DZIP3: variants seen among roughly 807,000 people sequenced by gnomAD.
The protein encoded by DZIP3 is DAZ interacting zinc finger protein 3.
DZIP3 carries 118 observed loss-of-function variants against 162.0 expected under a neutral mutation model. The observed-to-expected ratio is 0.73, with a 90% CI of 0.63 to 0.85. The LOEUF is 0.85. Among genes scored for constraint, DZIP3 ranks in the 40% least tolerant of loss-of-function variants. The pLI, the probability that DZIP3 is intolerant of heterozygous loss-of-function variation, is 0.00. For missense variants in DZIP3, 1,331 were observed against 1,407.0 expected (o/e 0.95, Z 0.86); for synonymous variants, 438 against 458.6 (o/e 0.96, Z 0.57).
chr3:108,644,074 T>C, intron 13 of DZIP3, 90 bp from the exon 14 acceptor site: 1 of 1,440,294 alleles, frequency 6.9e-7, no homozygotes, highest in Non-Finnish European at 9.2e-7. Context: ...ATAGTTTTTA[T>C]CCTACAGGAG....
chr3:108,655,955 C>T (rs1394303490), intron 19 of DZIP3, among the ~76,000 whole-genome samples: 1 of 152,224 alleles, frequency 6.6e-6, no homozygotes, highest in Non-Finnish European at 1.5e-5. Flanking sequence ...GGAGGGGCGT[C>T]TGCCATTGCC....
chr3:108,609,255 G>C (rs1237063306), intron 3 of DZIP3, among the ~76,000 whole-genome samples: 1 of 152,100 alleles, frequency 6.6e-6, no homozygotes, highest in Non-Finnish European at 1.5e-5. Context: ...CTGTAACTTA[G>C]GAGGGGAAAA....
chr3:108,633,429 A>G (rs1941976823), intron 9 of DZIP3, among the ~76,000 whole-genome samples: 1 of 152,000 alleles, frequency 6.6e-6, no homozygotes, highest in African/African-American at 2.4e-5. Context: ...GAATGGTAGC[A>G]TTTTACTAAG....
intron 17 of DZIP3, among the ~76,000 whole-genome samples, chr3:108,650,303 TA>T (rs1220625077): frequency 6.6e-6 from 1 of 151,760 alleles, no homozygotes; most frequent in African/African-American, 2.4e-5. Context: ...TCAAGTACAC[TA>T]GAGCAAAGGC....
rs1156942232 is a variant in DZIP3, at chr3:108,693,817, A to G, written c.*464A>G. ...AATTTTTTCTGCTTTAAAAGTCTGT[A>G]ATTTCAGTTTTTGTGTCGGGGAGAG... On this transcript the variant is annotated 3_prime_UTR_variant, in exon 33 of 33. Coordinates refer to ENST00000361582, the MANE Select transcript of DZIP3 (RefSeq NM_014648.4). 6.6e-6 allele frequency: 1 copy of G among 152,082 alleles called. No individual in the cohort carries two copies. The highest frequency in any genetic ancestry group is 2.4e-5 in the African/African-American group (1 of 41,432). 9.4% of individuals were successfully genotyped at this position (152,082 alleles called of 1,614,324 possible). A position where few individuals can be genotyped will look rare whatever the true frequency, so the allele number is the denominator to read the frequency against.
At chr3:108,681,478 G>T (rs929392944) in intron 26 of DZIP3, among the ~76,000 whole-genome samples, 1 of 152,096 alleles carries the variant, frequency 6.6e-6, no homozygotes. Flanking sequence ...TTACACTGTT[G>T]GTGGGAGTGT....
intron 1 of DZIP3, among the ~76,000 whole-genome samples, chr3:108,597,060 T>G (rs1939750068): frequency 6.6e-6 from 1 of 152,218 alleles, no homozygotes; most frequent in Non-Finnish European, 1.5e-5. Flanking sequence ...ACTAAGTGTA[T>G]GATTAGTGTC....
chr3:108,622,880 C>CTCTCTCTCTGTGTGTGTG (rs796232998), intron 5 of DZIP3, among the ~76,000 whole-genome samples: 14 of 53,092 alleles, frequency 2.6e-4, no homozygotes, highest in South Asian at 9.1e-4. Flanking sequence ...CTCTCTCTCT[C>CTCTCTCTCTGTGTGTGTG]TGTGTGTGTG....
intron 1 of DZIP3, among the ~76,000 whole-genome samples, chr3:108,596,920 A>G (rs1178332537): frequency 2.0e-5 from 3 of 152,238 alleles, no homozygotes; most frequent in Non-Finnish European, 2.9e-5. Context: ...GCATGAAATC[A>G]GAAATCCTGC....
At position 108,675,846 on chromosome 3, in the gene DZIP3, T is replaced by C. The variant is rs1308471234; in HGVS notation, c.2754T>C (p.Asp918=). ...ACAGTTGGAATGCCATTGTGGCAGATGTTAGAAACAAGATTGCATTCCTCA... is the reference window on the plus strand; with the variant it reads ...ACAGTTGGAATGCCATTGTGGCAGACGTTAGAAACAAGATTGCATTCCTCA... ...AVDSWNAIVA[D]VRNKIAFLRT... The change falls in exon 25 of 33, where the codon GAT becomes GAC. Residue 918 remains aspartate, a synonymous_variant. Transcript: ENST00000361582. 2 of 1,610,438 alleles carry C rather than the reference T, an allele frequency of 1.2e-6. No homozygotes were observed. Among genetic ancestry groups the C allele is most frequent in the Non-Finnish European group, 1.7e-6 (2 of 1,178,044 alleles).
intron 28 of DZIP3, 108 bp downstream of exon 28, chr3:108,686,692 G>A (rs1944511793): frequency 7.8e-7 from 1 of 1,289,412 alleles, no homozygotes; most frequent in Non-Finnish European, 1.0e-6. Flanking sequence ...CACAAAAAAA[G>A]TACAGATGTT....
Position 108,681,283 on chromosome 3 carries a change from A to G in DZIP3, c.2884-2933A>G, listed in dbSNP as rs550346286. On this transcript the variant is annotated intron_variant, in intron 26 of 32. Coordinates refer to ENST00000361582, the MANE Select transcript of DZIP3 (RefSeq NM_014648.4). ...AAGTGGGCAAAGGATATGAACAGAC[A>G]CTTCTCAAAAGAAGACATTTATGTG... Among the ~76,000 whole-genome samples, 5 of 152,294 alleles carry G rather than the reference A, an allele frequency of 3.3e-5. No homozygotes were observed. In the South Asian group the frequency reaches 1.0e-3, roughly 32 times the overall value.
At chr3:108,682,910 A>G (rs890394154) in intron 26 of DZIP3, among the ~76,000 whole-genome samples, 3 of 150,890 alleles carry the variant, frequency 2.0e-5, no homozygotes, top group Non-Finnish European at 2.9e-5. Context: ...AAATAAAAAT[A>G]AAGTGTTAGG....
At position 108,611,299 on chromosome 3, in the gene DZIP3, A is replaced by C; in HGVS notation, c.228A>C (p.Leu76Phe). Residue 76 changes from leucine to phenylalanine, a missense_variant, in exon 4 of 33, where the codon TTA (leucine) becomes TTC (phenylalanine). Leu to Phe is a conservative substitution (Grantham distance 22, BLOSUM62 0). This residue lies in a region of DZIP3 where 1,278 missense variants were observed against 1,317.1 expected (regional missense o/e 0.97). Transcript: ENST00000361582. Reference protein sequence around the residue: ...KGVVPHIKKFLQEDFSFQTMQ... With the variant: ...KGVVPHIKKFFQEDFSFQTMQ... ...TGGTTCCTCACATTAAGAAGTTCTT[A>C]CAAGAAGATTTTTCCTTCCAAACTA... The C allele has an allele frequency of 1.2e-6, 2 of 1,611,834 alleles. No individual in the cohort carries two copies. The highest frequency in any genetic ancestry group is 1.7e-6 in the Non-Finnish European group (2 of 1,179,364).
chr3:108,682,665 TAGAA>T lies in DZIP3; in HGVS notation c.2884-1548_2884-1545del, dbSNP rs528684297. On this transcript the variant is annotated intron_variant, in intron 26 of 32. Transcript: ENST00000361582. Reference sequence around the variant, plus strand: ...AGGTTGGTTGGTCAATGGGTACAATTAGAAAGGAAGGATAAGTTCTGGCGTTCTA... The same window carrying T: ...AGGTTGGTTGGTCAATGGGTACAATTAGGAAGGATAAGTTCTGGCGTTCTA... 5.1e-3 allele frequency among the ~76,000 whole-genome samples: 765 copies of T among 150,738 alleles called. 59 individuals are homozygous for T. The highest frequency in any genetic ancestry group is 0.017 in the African/African-American group (702 of 40,136).
At chr3:108,676,775 G>A (rs2107374616) in intron 25 of DZIP3, among the ~76,000 whole-genome samples, 1 of 152,196 alleles carries the variant, frequency 6.6e-6, no homozygotes, top group East Asian at 1.9e-4. Flanking sequence ...TGCCTCAAAA[G>A]ACCTGCCCCA....
chr3:108,670,748 A>G (rs183495244), intron 22 of DZIP3, among the ~76,000 whole-genome samples: 1 of 152,044 alleles, frequency 6.6e-6, no homozygotes, highest in East Asian at 1.9e-4. Flanking sequence ...TAAACAGTGT[A>G]TGAGGGTTTC....
chr3:108,661,266 G>C (rs909110871), intron 19 of DZIP3, among the ~76,000 whole-genome samples: 2 of 152,084 alleles, frequency 1.3e-5, no homozygotes, highest in Non-Finnish European at 2.9e-5. Flanking sequence ...CTGGATTAAG[G>C]AAATGTGGCA....
Position 108,644,235 on chromosome 3 carries a change from A to G in DZIP3, c.1213A>G (p.Thr405Ala), listed in dbSNP as rs766763285. The change falls in exon 14 of 33, where the codon ACT becomes GCT. Residue 405 changes from threonine to alanine, a missense_variant. Thr to Ala is a moderately conservative substitution (Grantham distance 58). Transcript: ENST00000361582. ...HLLHIIIISG[T>A]DIVRQIFDEA... ...GCTTCATATAATTATTATTTCTGGT[A>G]CTGACATTGTTCGACAAATATTTGA... 49 of 1,613,376 alleles carry G rather than the reference A, an allele frequency of 3.0e-5. No individual in the cohort carries two copies. The highest frequency in any genetic ancestry group is 8.3e-5 in the Admixed American group (5 of 59,956).
Sources: gnomAD v4.1 joint callset for allele counts (sites outside exome capture counted in the v4.1 genomes callset) on GRCh38, gnomAD v4.1.1 for gene constraint, gnomAD v4.1.1 regional missense constraint, MANE v1.5 for transcripts, NCBI Gene and HGNC (gene_info 2026-07-23, HGNC 2026-07-21) for gene names.